Variants in ZBTB16 observed in about 807,000 individuals in gnomAD.
ZBTB16 encodes zinc finger and BTB domain containing 16.
In ZBTB16, 8 loss-of-function variants were observed where a neutral mutation model predicts 56.8. The observed-to-expected ratio is 0.14, with a 90% CI of 0.08 to 0.25. The LOEUF (loss-of-function observed/expected upper bound fraction) is 0.25. Among genes scored for constraint, ZBTB16 ranks in the 10% least tolerant of loss-of-function variants. The pLI is 1.00. For synonymous variants in ZBTB16, 363 were observed against 368.5 expected, an observed-to-expected ratio of 0.98 and a Z score of 0.17; for missense variants, 625 against 903.0, an observed-to-expected ratio of 0.69 and a Z score of 3.95.
At chr11:114,175,580 C>T (rs568313792) in intron 3 of ZBTB16, among the ~76,000 whole-genome samples, 113 of 152,084 alleles carry the variant, frequency 7.4e-4, no homozygotes, top group African/African-American at 2.6e-3. Context: ...CTCAGCCTCC[C>T]GAGTAGCTGG....
At chr11:114,138,044 G>C (rs1941842288) in intron 2 of ZBTB16, among the ~76,000 whole-genome samples, 1 of 152,216 alleles carries the variant, frequency 6.6e-6, no homozygotes. Flanking sequence ...CATGGAGTGG[G>C]ATGAAAGGGT....
intron 4 of ZBTB16, among the ~76,000 whole-genome samples, chr11:114,199,185 G>A (rs1169246546): frequency 6.6e-6 from 1 of 152,034 alleles, no homozygotes; most frequent in Non-Finnish European, 1.5e-5. Context: ...CGGGGATGCC[G>A]GACATGGATG....
intron 2 of ZBTB16, among the ~76,000 whole-genome samples, chr11:114,101,145 C>T (rs1219398670): frequency 1.3e-5 from 2 of 152,124 alleles, no homozygotes; most frequent in African/African-American, 4.8e-5. Context: ...GCTGGGATTA[C>T]AGGTGTATGC....
At chr11:114,235,671 T>TTTCC (rs1944557659) in intron 4 of ZBTB16, among the ~76,000 whole-genome samples, 1 of 23,086 alleles carries the variant, frequency 4.3e-5, no homozygotes, top group East Asian at 2.8e-3. Context: ...TCTTTCTTTC[T>TTTCC]TTCTTTCTTT....
chr11:114,214,677 C>T (rs1157415722), intron 4 of ZBTB16, among the ~76,000 whole-genome samples: 6 of 152,134 alleles, frequency 3.9e-5, no homozygotes, highest in African/African-American at 1.4e-4. Context: ...AATTTTGGCT[C>T]ACTGCAATCT....
chr11:114,227,796 C>T (rs916038487), intron 4 of ZBTB16, among the ~76,000 whole-genome samples: 2 of 152,248 alleles, frequency 1.3e-5, no homozygotes, highest in South Asian at 4.1e-4. Flanking sequence ...TACTTCTGGG[C>T]GGCAGAAGGG....
intron 2 of ZBTB16, among the ~76,000 whole-genome samples, chr11:114,092,222 T>G (rs1565620588): frequency 6.6e-6 from 1 of 152,212 alleles, no homozygotes; most frequent in Non-Finnish European, 1.5e-5. Context: ...CTTCCAGGGC[T>G]GGCTACAAAG....
intron 5 of ZBTB16, among the ~76,000 whole-genome samples, chr11:114,245,577 G>C (rs546971821): frequency 1.3e-5 from 2 of 152,140 alleles, no homozygotes; most frequent in African/African-American, 4.8e-5. Context: ...TTAGTGGCCC[G>C]AGGAGGGGAG....
chr11:114,162,360 G>T (rs1477175021), intron 3 of ZBTB16, among the ~76,000 whole-genome samples: 1 of 152,362 alleles, frequency 6.6e-6, no homozygotes, highest in East Asian at 1.9e-4. Flanking sequence ...AGACAGAGAA[G>T]ATGGGGGAAG....
rs192210767 is a variant in ZBTB16, at chr11:114,250,937, C to T, written c.*382C>T. Among the ~76,000 whole-genome samples, 797 of 152,242 alleles carry T rather than the reference C, an allele frequency of 5.2e-3. 33 individuals carry two copies. Among genetic ancestry groups the T allele is most frequent in the Admixed American group, 0.048 (729 of 15,286 alleles). ...CTGGTCAGAGCCACACGGTCTGTGC[C>T]GGCCTTCCTCCACCAAGACCCCCAG... On this transcript the variant is annotated 3_prime_UTR_variant, in exon 7 of 7. Coordinates refer to ENST00000335953, the MANE Select transcript of ZBTB16 (RefSeq NM_006006.6). The surrounding 1 kb of genome is among the most constrained non-coding windows in gnomAD (Gnocchi z 6.0).
chr11:114,168,047 C>T (rs1370996700), intron 3 of ZBTB16, among the ~76,000 whole-genome samples: 7 of 152,222 alleles, frequency 4.6e-5, no homozygotes, highest in African/African-American at 1.7e-4. Context: ...CTGTCACCTT[C>T]TTTGTTACAT....
At chr11:114,238,345 G>T (rs1944636763) in intron 4 of ZBTB16, among the ~76,000 whole-genome samples, 1 of 152,198 alleles carries the variant, frequency 6.6e-6, no homozygotes, top group South Asian at 2.1e-4. Flanking sequence ...AACTGCCACG[G>T]ACTGGGTGGC....
At chr11:114,242,963 G>C (rs986114484) in intron 5 of ZBTB16, among the ~76,000 whole-genome samples, 31 of 152,146 alleles carry the variant, frequency 2.0e-4, no homozygotes, top group African/African-American at 6.5e-4. Flanking sequence ...ACAAGGGAGG[G>C]GGTACAAGGT....
intron 2 of ZBTB16, among the ~76,000 whole-genome samples, chr11:114,124,558 A>AAAC (rs1941443536): frequency 2.1e-5 from 2 of 95,474 alleles, no homozygotes; most frequent in African/African-American, 8.8e-5. Flanking sequence ...AAAAAAAACC[A>AAAC]AAAAAAAAAA....
chr11:114,227,447 T>TC (rs979043790), intron 4 of ZBTB16, among the ~76,000 whole-genome samples: 9 of 152,190 alleles, frequency 5.9e-5, no homozygotes, highest in Non-Finnish European at 1.3e-4. Flanking sequence ...GAAATCAAAT[T>TC]CATTTGTGCA....
chr11:114,171,427 A>G (rs1430432886), intron 3 of ZBTB16, among the ~76,000 whole-genome samples: 4 of 152,200 alleles, frequency 2.6e-5, no homozygotes, highest in African/African-American at 7.2e-5. Context: ...AGGGCCTTTC[A>G]GTGCCCTTTG....
At chr11:114,160,645 T>C (rs1591730653) in intron 3 of ZBTB16, among the ~76,000 whole-genome samples, 1 of 152,054 alleles carries the variant, frequency 6.6e-6, no homozygotes, top group Non-Finnish European at 1.5e-5. Flanking sequence ...CTTTCTGTTT[T>C]AAGGGTTTTT....
intron 2 of ZBTB16, among the ~76,000 whole-genome samples, chr11:114,074,532 C>T (rs1482031584): frequency 6.6e-6 from 1 of 152,200 alleles, no homozygotes; most frequent in Non-Finnish European, 1.5e-5. Context: ...AGGAACGTCC[C>T]TCCCCAACAC....
intron 4 of ZBTB16, among the ~76,000 whole-genome samples, chr11:114,236,601 G>T (rs866439191): frequency 5.9e-4 from 90 of 152,292 alleles, no homozygotes; most frequent in African/African-American, 2.1e-3. Flanking sequence ...CTTGTTGGAT[G>T]CTCTTAGTAG....
Sources: gnomAD v4.1 joint callset for allele counts (sites outside exome capture counted in the v4.1 genomes callset) on GRCh38, gnomAD v4.1.1 for gene constraint, Gnocchi (gnomAD v3.1) non-coding constraint, MANE v1.5 for transcripts, NCBI Gene and HGNC (gene_info 2026-07-23, HGNC 2026-07-21) for gene names.